ZNF425: variants seen among roughly 807,000 people sequenced by gnomAD.
ZNF425 encodes the protein zinc finger protein 425.
ZNF425 carries 21 observed loss-of-function variants against 17.0 expected under a neutral mutation model. The observed-to-expected ratio is 1.23, with a 90% confidence interval of 0.88 to 1.78. The LOEUF (loss-of-function observed/expected upper bound fraction) is 1.78, where lower values mean the gene tolerates loss of function less well. ZNF425 is among the 40% of genes most tolerant of loss of function. The probability of loss-of-function intolerance (pLI) is 0.00; values close to 1 mark genes in which losing one functional copy is unlikely to be tolerated. For missense variants in ZNF425, 868 were observed against 967.3 expected, an observed-to-expected ratio of 0.90 and a Z score of 1.36; for synonymous variants, 433 against 384.1, an observed-to-expected ratio of 1.13 and a Z score of -1.49.
At chr7:149,116,457 T>C (rs1425380135) in intron 2 of ZNF425, among the ~76,000 whole-genome samples, 1 of 152,156 alleles carries the variant, frequency 6.6e-6, no homozygotes, top group Non-Finnish European at 1.5e-5. Flanking sequence ...AAATCTAGGA[T>C]TCTGCCTCTA....
intron 1 of ZNF425, among the ~76,000 whole-genome samples, chr7:149,120,266 C>T (rs1336714177): frequency 1.3e-5 from 2 of 152,144 alleles, no homozygotes; most frequent in East Asian, 1.9e-4. Flanking sequence ...CCTGTAGCCC[C>T]AGCTACTCGG....
In ZNF425 at chr7:149,104,588, C is replaced by T. The variant is rs761735418; in HGVS notation, c.1283G>A (p.Ser428Asn). The T allele has an allele frequency of 1.8e-5, 29 of 1,613,740 alleles. No individual in the cohort carries two copies. In the East Asian group the frequency reaches 4.5e-4, roughly 25 times the overall value. The change falls in exon 4 of 4, where the codon AGC becomes AAC. Residue 428 changes from serine (S) to asparagine (N), a missense_variant. Ser to Asn is a conservative substitution (Grantham distance 46, BLOSUM62 1). This residue lies in a region of ZNF425 where 437 missense variants were observed against 444.2 expected (regional missense o/e 0.98). Transcript: ENST00000378061. This position sits in a 1 kb window ranked among gnomAD's most constrained non-coding sequence, Gnocchi z 4.3. ...ECNKSFRLKR[S>N]LKAHGLQHIG... is the part of the protein sequence containing the mutation. ...GTGCTGCAGCCCGTGGGCTTTCAGG[C>T]TTCTCTTGAGGCGGAAACTTTTGTT...
chr7:149,114,931 C>CTTTTTTTTTTT (rs35954198), intron 2 of ZNF425, among the ~76,000 whole-genome samples: 2 of 101,026 alleles, frequency 2.0e-5, no homozygotes, highest in Non-Finnish European at 3.9e-5. Context: ...TCTTTCTTTT[C>CTTTTTTTTTTT]TTTTTTTTTT....
intron 2 of ZNF425, among the ~76,000 whole-genome samples, chr7:149,114,230 T>C (rs1826219105): frequency 1.2e-5 from 1 of 85,196 alleles, no homozygotes; most frequent in South Asian, 7.3e-4. Context: ...AGCTAATTTT[T>C]TTTTTTTTTT....
intron 2 of ZNF425, chr7:149,113,568 T>TTG (rs1826208780): frequency 6.6e-6 from 1 of 151,834 alleles, no homozygotes; most frequent in Non-Finnish European, 1.5e-5. Flanking sequence ...TTTTTTTTTT[T>TTG]TGAGACGGAG....
chr7:149,110,741 A>C (rs957760193), intron 3 of ZNF425, among the ~76,000 whole-genome samples: 1 of 151,594 alleles, frequency 6.6e-6, no homozygotes, highest in African/African-American at 2.4e-5. Flanking sequence ...TGGACATGAC[A>C]GTGTGACAAG....
At chr7:149,105,702 T>C (rs949949640) in intron 3 of ZNF425, 136 bp from the exon 4 acceptor site, 81 of 512,716 alleles carry the variant, frequency 1.6e-4, no homozygotes, top group Non-Finnish European at 2.0e-4. Context: ...CCAGGCTGGA[T>C]TGCAGTGGTG....
At chr7:149,113,123 C>T (rs549383557) in intron 2 of ZNF425, among the ~76,000 whole-genome samples, 6 of 151,306 alleles carry the variant, frequency 4.0e-5, no homozygotes, top group African/African-American at 7.3e-5. Context: ...ATTACAGGTA[C>T]GTGCCACCAT....
chr7:149,120,208 C>T (rs1420253667), intron 1 of ZNF425, among the ~76,000 whole-genome samples: 3 of 152,042 alleles, frequency 2.0e-5, no homozygotes, highest in African/African-American at 7.3e-5. Flanking sequence ...ATGGTGAAAC[C>T]CCGTCTCTAC....
At chr7:149,125,915 C>G (rs1826458280) in intron 1 of ZNF425, 2 of 607,212 alleles carry the variant, frequency 3.3e-6, no homozygotes, top group Non-Finnish European at 5.8e-6. Context: ...GCAGAGCTCC[C>G]GGGCTCAAGC....
At chr7:149,121,079 CTTTTTTTTTTTT>C (rs75534831) in intron 1 of ZNF425, among the ~76,000 whole-genome samples, 10 of 62,778 alleles carry the variant, frequency 1.6e-4, no homozygotes, top group African/African-American at 1.7e-4. Flanking sequence ...TTTTACATTC[CTTTTTTTTTTTT>C]TTTTTTTTTT....
intron 1 of ZNF425, 108 bp downstream of exon 1, chr7:149,126,088 C>A: frequency 6.3e-7 from 1 of 1,577,928 alleles, no homozygotes. Context: ...ACTGCCAACC[C>A]CCAGGCCCAG....
rs118169056 is a variant in ZNF425 at position 149,111,307 on chromosome 7, G to C, written c.304+830C>G. Among the ~76,000 whole-genome samples the C allele has an allele frequency of 2.0e-5, 3 of 150,372 alleles. No homozygotes were observed. The Admixed American group carries it at 2.0e-4, about 10-fold the overall frequency. Reference sequence around the variant, plus strand: ...CTACTAAAAATACAAAAAATTAGCCGGGTGTCGGGCGCGGTGGCTCATGCC... The same window carrying C: ...CTACTAAAAATACAAAAAATTAGCCCGGTGTCGGGCGCGGTGGCTCATGCC... On this transcript the variant is annotated intron_variant, in intron 3 of 3. Coordinates refer to ENST00000378061, the MANE Select transcript of ZNF425 (RefSeq NM_001001661.3).
In ZNF425 at chr7:149,115,202, G is replaced by A. The variant is rs1202507286; in HGVS notation, c.146-2907C>T. ...TTATCTCAAGTGATCTGTCCGCCTCGACCTCCCAAAGTATTGGGATTACAG... is the reference window on the plus strand; with the variant it reads ...TTATCTCAAGTGATCTGTCCGCCTCAACCTCCCAAAGTATTGGGATTACAG... On this transcript the variant is annotated intron_variant, in intron 2 of 3. Transcript: ENST00000378061. Among the ~76,000 whole-genome samples, 3 of 147,320 alleles carry A rather than the reference G, an allele frequency of 2.0e-5. No homozygotes were observed. In the Admixed American group the frequency reaches 2.1e-4, roughly 10 times the overall value.
intron 2 of ZNF425, among the ~76,000 whole-genome samples, chr7:149,113,816 G>T (rs1826211988): frequency 6.6e-6 from 1 of 151,768 alleles, no homozygotes; most frequent in Non-Finnish European, 1.5e-5. Context: ...CTCCCAAAGT[G>T]CTGGGATTAC....
intron 2 of ZNF425, 60 bp from the exon 3 acceptor site, chr7:149,112,355 C>T (rs1269572736): frequency 1.1e-5 from 16 of 1,521,416 alleles, no homozygotes; most frequent in African/African-American, 1.4e-5. Context: ...TTTTTTTGGC[C>T]GGGTGTGGTG....
In ZNF425 at chr7:149,105,032, T is replaced by G. The variant is rs1305495685; in HGVS notation, c.839A>C (p.Asp280Ala). The G allele has an allele frequency of 9.3e-6, 15 of 1,614,084 alleles. No homozygotes were observed. Among genetic ancestry groups the G allele is most frequent in the Middle Eastern group, 1.6e-4 (1 of 6,084 alleles). The change falls in exon 4 of 4, where the codon GAC (aspartate) becomes GCC (alanine). Residue 280 changes from aspartate (D) to alanine (A), a missense_variant. By Grantham distance (126) the Asp-to-Ala change is moderately radical. Transcript: ENST00000378061. ...GTTGGCCCTGTACCGGAAGGTCTTG[T>G]CGCACTCAGGGCATGGGTAGGGCCG... ...GQRPYPCPEC[D>A]KTFRYRANLK...
At chr7:149,117,716 G>A (rs1034429455) in intron 2 of ZNF425, among the ~76,000 whole-genome samples, 1 of 121,438 alleles carries the variant, frequency 8.2e-6, no homozygotes, top group Non-Finnish European at 1.6e-5. Context: ...GCAATGGCAC[G>A]ATCTTGGCTC....
chr7:149,104,878 C>T lies in ZNF425; in HGVS notation c.993G>A (p.Gln331=), dbSNP rs887780377. The T allele has an allele frequency of 1.2e-6, 2 of 1,613,476 alleles. No homozygotes were observed. Among genetic ancestry groups the T allele is most frequent in the Non-Finnish European group, 1.7e-6 (2 of 1,179,946 alleles). ...GGAAGCACCGGTCACACTGCGGACA[C>T]TGGAAGGGCTTCTCTCCGCTGTGCA... The part of the protein sequence containing the change: ...LRLHSGEKPF[Q]CPQCDRCFRL... The change falls in exon 4 of 4, where the codon CAG becomes CAA. Residue 331 remains glutamine, a synonymous_variant. Transcript: ENST00000378061. The surrounding 1 kb of genome is among the most constrained non-coding windows in gnomAD (Gnocchi z 4.3).
Sources: allele counts gnomAD v4.1 joint callset (sites outside exome capture counted in the v4.1 genomes callset), GRCh38; gene constraint gnomAD v4.1.1; regional missense constraint gnomAD v4.1.1; non-coding constraint Gnocchi (gnomAD v3.1); transcripts MANE v1.5; gene names NCBI Gene and HGNC (gene_info 2026-07-23, HGNC 2026-07-21).